Variants in TPST1 observed in about 807,000 individuals in gnomAD.
The protein encoded by TPST1 is tyrosylprotein sulfotransferase 1, also known as protein-tyrosine sulfotransferase 1.
Under a neutral mutation model 34.8 loss-of-function variants are expected in TPST1, and 20 were observed. The observed-to-expected ratio is 0.57, with a 90% CI of 0.40 to 0.84. The LOEUF (loss-of-function observed/expected upper bound fraction) is 0.84. Among genes scored for constraint, TPST1 ranks in the 40% least tolerant of loss-of-function variants. The probability of loss-of-function intolerance (pLI) is 0.00; values close to 1 mark genes in which losing one functional copy is unlikely to be tolerated. For missense variants in TPST1, 353 were observed against 455.5 expected, an observed-to-expected ratio of 0.78 and a Z score of 2.05; for synonymous variants, 152 against 159.4, an observed-to-expected ratio of 0.95 and a Z score of 0.35.
intron 1 of TPST1, among the ~76,000 whole-genome samples, chr7:66,229,179 C>T (rs1269746360): frequency 1.3e-5 from 2 of 151,314 alleles, no homozygotes; most frequent in African/African-American, 2.4e-5. Context: ...GGCACGATCT[C>T]GACTCACTGC....
In TPST1 at chr7:66,206,626, G is replaced by A. The variant is rs1789135609; in HGVS notation, c.-102+1104G>A. On this transcript the variant is annotated intron_variant, in intron 1 of 5. Transcript: ENST00000304842. ...AGGATTCTTAGGCTGCTAGTCAGCA[G>A]GCTTTGCGGTGTAATTACTCCCCAT... is the stretch of plus-strand genomic sequence containing the variant. Among the ~76,000 whole-genome samples, 2 of 152,184 alleles carry A rather than the reference G, an allele frequency of 1.3e-5. 1 individual carries two copies. Among genetic ancestry groups the A allele is most frequent in the South Asian group, 4.1e-4 (2 of 4,834 alleles).
At chr7:66,283,415 A>G (rs1467162490) in intron 2 of TPST1, among the ~76,000 whole-genome samples, 5 of 152,154 alleles carry the variant, frequency 3.3e-5, no homozygotes, top group Non-Finnish European at 5.9e-5. Context: ...GTTTTTTTGT[A>G]AGGGTTAGAT....
intron 2 of TPST1, among the ~76,000 whole-genome samples, chr7:66,259,408 C>G (rs552957004): frequency 3.3e-5 from 5 of 152,168 alleles, no homozygotes; most frequent in African/African-American, 1.2e-4. Flanking sequence ...GTAATTTTTA[C>G]TTGGAACGTG....
chr7:66,247,331 G>T (rs186096070), intron 2 of TPST1, among the ~76,000 whole-genome samples: 2 of 152,324 alleles, frequency 1.3e-5, no homozygotes, highest in East Asian at 3.9e-4. Context: ...GGGAGGCTGA[G>T]GCAGGAGAAT....
At chr7:66,286,272 C>T (rs3823606) in intron 2 of TPST1, among the ~76,000 whole-genome samples, 2,940 of 152,164 alleles carry the variant, frequency 0.019, 65 homozygotes, top group East Asian at 0.092. Flanking sequence ...TAATAATGCA[C>T]ATGTTTCAGC....
intron 4 of TPST1, chr7:66,353,042 T>C: frequency 1.0e-6 from 1 of 977,644 alleles, no homozygotes; most frequent in Non-Finnish European, 1.2e-6. Context: ...AAAGCCAGCA[T>C]GGTGGCTCAT....
At chr7:66,268,748 T>G (rs1367450862) in intron 2 of TPST1, among the ~76,000 whole-genome samples, 2 of 152,056 alleles carry the variant, frequency 1.3e-5, no homozygotes, top group Non-Finnish European at 2.9e-5. Context: ...TTGCCCAGGC[T>G]GGAGTGCCTG....
chr7:66,344,652 C>T (rs1004949823), intron 3 of TPST1, among the ~76,000 whole-genome samples: 1 of 151,756 alleles, frequency 6.6e-6, no homozygotes, highest in Non-Finnish European at 1.5e-5. Flanking sequence ...ACCTCGTGAT[C>T]CACCTGCCTT....
At chr7:66,253,483 G>T (rs1266611141) in intron 2 of TPST1, among the ~76,000 whole-genome samples, 2 of 150,306 alleles carry the variant, frequency 1.3e-5, no homozygotes, top group Non-Finnish European at 3.0e-5. Flanking sequence ...CGATTCTCAT[G>T]CCTCAATTCT....
chr7:66,257,709 G>C (rs1472969680), intron 2 of TPST1, among the ~76,000 whole-genome samples: 1 of 152,130 alleles, frequency 6.6e-6, no homozygotes, highest in East Asian at 1.9e-4. Context: ...ACGAATCTAA[G>C]GTACACCCTT....
intron 2 of TPST1, among the ~76,000 whole-genome samples, chr7:66,243,992 A>C (rs184141688): frequency 3.0e-4 from 42 of 138,580 alleles, no homozygotes; most frequent in Admixed American, 2.3e-3. Flanking sequence ...TCTGTCGCCC[A>C]GGCTGGAGTG....
intron 3 of TPST1, 61 bp from the exon 4 acceptor site, chr7:66,352,444 G>GTCC: frequency 6.3e-7 from 1 of 1,590,028 alleles, no homozygotes; most frequent in Non-Finnish European, 8.5e-7. Flanking sequence ...CATGGCACAT[G>GTCC]TCCTGCAATG....
chr7:66,349,988 C>T (rs1792440013), intron 3 of TPST1, among the ~76,000 whole-genome samples: 1 of 152,130 alleles, frequency 6.6e-6, no homozygotes, highest in Non-Finnish European at 1.5e-5. Flanking sequence ...AAGCTGGACC[C>T]ATCCAAGCTG....
intron 3 of TPST1, among the ~76,000 whole-genome samples, chr7:66,323,833 G>A (rs1791807181): frequency 1.3e-5 from 2 of 152,126 alleles, no homozygotes; most frequent in Non-Finnish European, 2.9e-5. Flanking sequence ...ATGGGAAATA[G>A]TACAGTAGTT....
rs1453492840 is a variant in TPST1, at chr7:66,296,254, C to CA, written c.1044+9545_1044+9546insA. 1.4e-4 allele frequency among the ~76,000 whole-genome samples: 5 copies of CA among 36,348 alleles called. 1 individual carries two copies. Among genetic ancestry groups the CA allele is most frequent in the African/African-American group, 8.3e-4 (5 of 6,030 alleles). 23.8% of individuals were successfully genotyped at this position (36,348 alleles called of 152,430 possible). Reference sequence around the variant, plus strand: ...TTAAAAAACACCCACCCTTCCCCCCCCCCTCCCCCACCGTCTCTGCCTATC... The same window carrying CA: ...TTAAAAAACACCCACCCTTCCCCCCCACCCTCCCCCACCGTCTCTGCCTATC... On this transcript the variant is annotated intron_variant, in intron 3 of 5. Transcript: ENST00000304842.
At chr7:66,248,419 G>T (rs1029089282) in intron 2 of TPST1, among the ~76,000 whole-genome samples, 1 of 149,444 alleles carries the variant, frequency 6.7e-6, no homozygotes, top group African/African-American at 2.5e-5. Context: ...GTTTTTAAAA[G>T]AAAAACATTG....
At chr7:66,313,612 G>A (rs575901082) in intron 3 of TPST1, among the ~76,000 whole-genome samples, 5 of 152,046 alleles carry the variant, frequency 3.3e-5, no homozygotes, top group Admixed American at 6.6e-5. Flanking sequence ...AATCTATATC[G>A]TTCCTCATAT....
intron 1 of TPST1, among the ~76,000 whole-genome samples, chr7:66,230,404 C>T (rs1024127697): frequency 2.0e-5 from 3 of 152,162 alleles, no homozygotes; most frequent in East Asian, 3.9e-4. Context: ...TCGCGGTGAG[C>T]GTTAAGCTCT....
At chr7:66,211,690 G>A (rs950143335) in intron 1 of TPST1, among the ~76,000 whole-genome samples, 2 of 152,326 alleles carry the variant, frequency 1.3e-5, no homozygotes, top group Admixed American at 1.3e-4. Context: ...CAGTCTTGCC[G>A]GGCGCAGTAG....
Sources: gnomAD v4.1 joint callset for allele counts (sites outside exome capture counted in the v4.1 genomes callset) on GRCh38, gnomAD v4.1.1 for gene constraint, MANE v1.5 for transcripts, NCBI Gene and HGNC (gene_info 2026-07-23, HGNC 2026-07-21) for gene names.